The following ARMC8 variants were observed in gnomAD, a reference collection of about 807,000 sequenced individuals.
ARMC8 encodes armadillo repeat containing 8.
ARMC8 carries 20 observed loss-of-function variants against 99.3 expected under a neutral mutation model. That is an observed-to-expected ratio of 0.20 (90% confidence interval 0.14 to 0.29). ARMC8 has a LOEUF of 0.29. ARMC8 is among the 10% of genes least tolerant of loss of function. ARMC8 has a pLI of 1.00. For synonymous variants in ARMC8, 263 were observed against 278.3 expected (o/e 0.95, Z 0.55); for missense variants, 569 against 809.5 (o/e 0.70, Z 3.60).
chr3:138,197,880 C>T (rs1450415765), intron 1 of ARMC8, among the ~76,000 whole-genome samples: 1 of 152,170 alleles, frequency 6.6e-6, no homozygotes, highest in Non-Finnish European at 1.5e-5. Context: ...AGCCAGATAG[C>T]TCTTTATGAT....
At chr3:138,255,904 C>G (rs546685107) in intron 12 of ARMC8, among the ~76,000 whole-genome samples, 1 of 152,062 alleles carries the variant, frequency 6.6e-6, no homozygotes, top group Non-Finnish European at 1.5e-5. Context: ...CGCTCGAACC[C>G]GGGAGGCGGA....
Position 138,187,358 on chromosome 3 carries a change from G to A in ARMC8, c.-197G>A. The A allele has an allele frequency of 1.8e-6, 1 of 558,858 alleles. No individual in the cohort carries two copies. Among genetic ancestry groups the A allele is most frequent in the Non-Finnish European group, 3.2e-6 (1 of 313,212 alleles). The allele number at this position is 558,858 out of a possible 1,614,324, so 34.6% of individuals were successfully genotyped here. ...GCTGTTTCTGAGAGAACGATTCGTA[G>A]GACAGCCCCTGACGCCATTCCCTTT... On this transcript the variant is annotated 5_prime_UTR_variant, in exon 1 of 22. Transcript: ENST00000469044.
chr3:138,200,372 A>G (rs1309358138), intron 1 of ARMC8, among the ~76,000 whole-genome samples: 1 of 152,238 alleles, frequency 6.6e-6, no homozygotes, highest in Admixed American at 6.5e-5. Flanking sequence ...AGTTCCTACC[A>G]GGACAAAATA....
intron 1 of ARMC8, chr3:138,188,216 C>T (rs1254180073): frequency 1.7e-5 from 7 of 418,656 alleles, no homozygotes; most frequent in Non-Finnish European, 3.0e-5. Context: ...CCGCTCTGCT[C>T]AGAGGTCGCG....
intron 18 of ARMC8, among the ~76,000 whole-genome samples, chr3:138,276,176 G>T (rs1173788633): frequency 6.6e-6 from 1 of 152,152 alleles, no homozygotes; most frequent in Non-Finnish European, 1.5e-5. Context: ...GAAGTGATCT[G>T]GAAATAGGCG....
intron 19 of ARMC8, among the ~76,000 whole-genome samples, 183 bp downstream of exon 19, chr3:138,284,709 T>C (rs1183597438): frequency 6.6e-6 from 1 of 152,162 alleles, no homozygotes; most frequent in Non-Finnish European, 1.5e-5. Flanking sequence ...CCTTGAAGCT[T>C]GTACCACTTG....
rs184975394 is a variant in ARMC8 at position 138,198,197 on chromosome 3, A to C, written c.45+10598A>C. The stretch of plus-strand genomic sequence containing the variant: ...TGGGGGCAAAAGCCAAACAAACAAA[A>C]AAAAAACTCCAGAAAAAGTAAAGGC... On this transcript the variant is annotated intron_variant, in intron 1 of 21. Transcript: ENST00000469044. 2.7e-3 allele frequency among the ~76,000 whole-genome samples: 418 copies of C among 152,218 alleles called. 1 individual carries two copies. The highest frequency in any genetic ancestry group is 5.8e-3 in the African/African-American group (240 of 41,546).
At chr3:138,252,077 A>G (rs945763298) in intron 12 of ARMC8, among the ~76,000 whole-genome samples, 2 of 152,240 alleles carry the variant, frequency 1.3e-5, no homozygotes, top group African/African-American at 4.8e-5. Flanking sequence ...GATTGTTGCT[A>G]TGCTCTTTCC....
intron 12 of ARMC8, among the ~76,000 whole-genome samples, chr3:138,258,697 G>A (rs892033519): frequency 2.6e-5 from 4 of 152,156 alleles, no homozygotes; most frequent in African/African-American, 9.7e-5. Flanking sequence ...AGACAGTTTC[G>A]CAAAAGCATG....
chr3:138,203,884 T>G (rs1441348574), intron 1 of ARMC8, among the ~76,000 whole-genome samples: 1 of 152,240 alleles, frequency 6.6e-6, no homozygotes, highest in Non-Finnish European at 1.5e-5. Flanking sequence ...TCTGTGCATT[T>G]AATTGTAGCT....
intron 21 of ARMC8, among the ~76,000 whole-genome samples, chr3:138,293,558 A>G (rs1218525641): frequency 6.6e-6 from 1 of 151,932 alleles, no homozygotes; most frequent in Non-Finnish European, 1.5e-5. Flanking sequence ...GAAAAGAGGA[A>G]GAAGAACTAA....
At chr3:138,249,941 T>A (rs1174596540) in intron 12 of ARMC8, among the ~76,000 whole-genome samples, 2 of 152,188 alleles carry the variant, frequency 1.3e-5, no homozygotes, top group Non-Finnish European at 2.9e-5. Flanking sequence ...TGGAATTTAA[T>A]AGCTTAATTT....
At chr3:138,279,946 C>T (rs1215153641) in intron 18 of ARMC8, among the ~76,000 whole-genome samples, 1 of 151,960 alleles carries the variant, frequency 6.6e-6, no homozygotes, top group Non-Finnish European at 1.5e-5. Flanking sequence ...GCTGTGTCAC[C>T]CAGGCTGGAG....
chr3:138,237,581 C>T lies in ARMC8; in HGVS notation c.776+9C>T, dbSNP rs748752087. On this transcript the variant is annotated intron_variant, in intron 9 of 21. Coordinates refer to ENST00000469044, the MANE Select transcript of ARMC8 (RefSeq NM_001363941.2). ...CTCACATCAGCAAAATGGTAAAAGT[C>T]AGGACAATGTGGGAAGAAAGACAGT... The T allele has an allele frequency of 5.0e-6, 8 of 1,608,006 alleles. No individual in the cohort carries two copies. In the South Asian group the frequency reaches 7.7e-5, roughly 16 times the overall value.
At chr3:138,191,178 A>G (rs1002443837) in intron 1 of ARMC8, among the ~76,000 whole-genome samples, 1 of 152,224 alleles carries the variant, frequency 6.6e-6, no homozygotes, top group Non-Finnish European at 1.5e-5. Context: ...CTAGGTACTC[A>G]GTAAATGTTT....
Position 138,255,898 on chromosome 3 carries a change from C to T in ARMC8, c.1135-7841C>T, listed in dbSNP as rs532815794. Among the ~76,000 whole-genome samples the T allele has an allele frequency of 6.6e-5, 10 of 152,168 alleles. No homozygotes were observed. The South Asian group carries it at 1.0e-3, about 16-fold the overall frequency. On this transcript the variant is annotated intron_variant, in intron 12 of 21. Coordinates refer to ENST00000469044, the MANE Select transcript of ARMC8 (RefSeq NM_001363941.2). ...AGGAGGCTGAGGTGGGAGAATCGCTCGAACCCGGGAGGCGGAGGTTGCAGT... is the reference window on the plus strand; with the variant it reads ...AGGAGGCTGAGGTGGGAGAATCGCTTGAACCCGGGAGGCGGAGGTTGCAGT...
chr3:138,242,698 G>T (rs2046685036), intron 11 of ARMC8, among the ~76,000 whole-genome samples: 1 of 152,154 alleles, frequency 6.6e-6, no homozygotes, highest in Non-Finnish European at 1.5e-5. Context: ...ACTGTTTCAT[G>T]AATGTAACTG....
At chr3:138,225,694 T>C (rs971469125) in intron 5 of ARMC8, among the ~76,000 whole-genome samples, 2 of 152,152 alleles carry the variant, frequency 1.3e-5, no homozygotes, top group South Asian at 2.1e-4. Flanking sequence ...TTTCATTCTT[T>C]AAAAAAATGG....
intron 14 of ARMC8, among the ~76,000 whole-genome samples, chr3:138,265,690 T>C (rs961159756): frequency 6.6e-6 from 1 of 152,142 alleles, no homozygotes; most frequent in Non-Finnish European, 1.5e-5. Context: ...ATGGTATGTG[T>C]AGGGAACGGC....
Sources: gnomAD v4.1 joint callset for allele counts (sites outside exome capture counted in the v4.1 genomes callset) on GRCh38, gnomAD v4.1.1 for gene constraint, MANE v1.5 for transcripts, NCBI Gene and HGNC (gene_info 2026-07-23, HGNC 2026-07-21) for gene names.